LINGO2: variants seen among roughly 807,000 people sequenced by gnomAD.
The protein encoded by LINGO2 is leucine-rich repeat and immunoglobulin-like domain-containing nogo receptor-interacting protein 2.
In LINGO2, 14 loss-of-function variants were observed where a neutral mutation model predicts 30.6. That is an observed-to-expected ratio of 0.46 (90% CI 0.30 to 0.72). LINGO2 has a LOEUF of 0.72. LINGO2 is among the 30% of genes least tolerant of loss of function. The pLI is 0.07. For missense variants in LINGO2, 729 were observed against 751.7 expected, an observed-to-expected ratio of 0.97 and a Z score of 0.35; for synonymous variants, 317 against 288.5, an observed-to-expected ratio of 1.10 and a Z score of -1.00.
chr9:28,618,344 C>A (rs1431707852), intron 1 of LINGO2, among the ~76,000 whole-genome samples: 1 of 152,140 alleles, frequency 6.6e-6, no homozygotes, highest in African/African-American at 2.4e-5. Context: ...CAATCATTAG[C>A]ATCTCCGAGT....
chr9:27,989,849 A>T (rs1465679955), intron 5 of LINGO2, among the ~76,000 whole-genome samples: 1 of 151,966 alleles, frequency 6.6e-6, no homozygotes, highest in East Asian at 1.9e-4. Flanking sequence ...TGGGATTTAA[A>T]CTCAGGTTTT....
chr9:28,168,738 G>A (rs1828501129), intron 4 of LINGO2, among the ~76,000 whole-genome samples: 1 of 152,236 alleles, frequency 6.6e-6, no homozygotes, highest in South Asian at 2.1e-4. Context: ...CAGATTTGTG[G>A]AACCTAAATT....
intron 2 of LINGO2, among the ~76,000 whole-genome samples, chr9:28,442,659 A>C (rs987503110): frequency 1.3e-5 from 2 of 152,130 alleles, no homozygotes; most frequent in African/African-American, 4.8e-5. Flanking sequence ...ACTCTCTTTG[A>C]AACAGCAATC....
exon 6 of LINGO2, chr9:27,950,198 T>C (rs756859870): frequency 5.6e-6 from 9 of 1,613,924 alleles, no homozygotes; most frequent in Admixed American, 3.3e-5. Flanking sequence ...CCCCCACTTC[T>C]AGAGACTTCA....
At chr9:28,317,105 A>G (rs1402015591) in intron 3 of LINGO2, among the ~76,000 whole-genome samples, 6 of 152,184 alleles carry the variant, frequency 3.9e-5, no homozygotes, top group East Asian at 3.9e-4. Context: ...ATGTATTCCA[A>G]TTATGTTTCT....
chr9:28,145,258 A>G (rs1408439480), intron 4 of LINGO2, among the ~76,000 whole-genome samples: 1 of 152,210 alleles, frequency 6.6e-6, no homozygotes, highest in Non-Finnish European at 1.5e-5. Context: ...AGCGTTGCAC[A>G]TAGTGGGGGT....
chr9:28,015,931 AATAATCACACAAATATTTAATG>A (rs1227232223), intron 4 of LINGO2, among the ~76,000 whole-genome samples: 1 of 151,820 alleles, frequency 6.6e-6, no homozygotes, highest in African/African-American at 2.4e-5. Context: ...GAGGAGACCA[AATAATCACACAAATATTTAATG>A]AGAAACTGTG....
chr9:28,911,312 A>G, the LINGO2 span, among the ~76,000 whole-genome samples: 1 of 136,494 alleles, frequency 7.3e-6, no homozygotes, highest in Non-Finnish European at 1.6e-5. Flanking sequence ...AAATTTTTCT[A>G]TAAATAAAAC....
At chr9:29,040,148 A>G in the LINGO2 span, among the ~76,000 whole-genome samples, 13 of 152,060 alleles carry the variant, frequency 8.5e-5, no homozygotes, top group African/African-American at 2.9e-4. Flanking sequence ...TTTCCGTCCT[A>G]AGCTGTTTTA....
At chr9:28,770,736 G>A in the LINGO2 span, among the ~76,000 whole-genome samples, 1 of 152,022 alleles carries the variant, frequency 6.6e-6, no homozygotes, top group African/African-American at 2.4e-5. Context: ...GTTAATATAT[G>A]GTATAGCATA....
At chr9:28,005,694 G>A (rs1334808865) in intron 5 of LINGO2, among the ~76,000 whole-genome samples, 2 of 152,028 alleles carry the variant, frequency 1.3e-5, no homozygotes, top group Non-Finnish European at 2.9e-5. Context: ...CAGCCGATGA[G>A]GGAAGTAAAA....
the LINGO2 span, among the ~76,000 whole-genome samples, chr9:28,945,386 A>G: frequency 1.3e-5 from 2 of 152,324 alleles, no homozygotes; most frequent in African/African-American, 2.4e-5. Context: ...TTAACTTTTT[A>G]TAAGTACGTG....
At chr9:28,952,325 C>T in the LINGO2 span, among the ~76,000 whole-genome samples, 1 of 152,116 alleles carries the variant, frequency 6.6e-6, no homozygotes, top group Non-Finnish European at 1.5e-5. Context: ...AAATTTCGAC[C>T]TCACTACTTT....
chr9:28,572,738 C>T (rs1432242349), intron 1 of LINGO2, among the ~76,000 whole-genome samples: 1 of 152,096 alleles, frequency 6.6e-6, no homozygotes, highest in African/African-American at 2.4e-5. Context: ...CCAACAGCTT[C>T]CAGACAACTA....
At chr9:29,204,422 T>C in the LINGO2 span, among the ~76,000 whole-genome samples, 1 of 150,858 alleles carries the variant, frequency 6.6e-6, no homozygotes, top group African/African-American at 2.4e-5. Flanking sequence ...CCTGTAAGTC[T>C]CTCAAGGGCA....
chr9:28,092,406 T>A (rs1459595324), intron 4 of LINGO2, among the ~76,000 whole-genome samples: 2 of 151,936 alleles, frequency 1.3e-5, no homozygotes, highest in Non-Finnish European at 2.9e-5. Flanking sequence ...GGGACATGGA[T>A]GAAGCTGGAA....
upstream of LINGO2, among the ~76,000 whole-genome samples, chr9:28,674,635 CAT>C (rs1169205061): frequency 6.6e-6 from 1 of 152,122 alleles, no homozygotes; most frequent in African/African-American, 2.4e-5. Context: ...CCAGAGAAAA[CAT>C]ATACTATATG....
At position 28,563,739 on chromosome 9, in the gene LINGO2, G is replaced by C. The variant is rs1468667956; in HGVS notation, c.-364-87714C>G. Among the ~76,000 whole-genome samples, 8 of 152,222 alleles carry C rather than the reference G, an allele frequency of 5.3e-5. No individual in the cohort carries two copies. The South Asian group carries it at 1.2e-3, about 24-fold the overall frequency. The stretch of plus-strand genomic sequence containing the variant: ...GAAAAATCATCTAAATGATATCTTT[G>C]TGGAGACTATGATGCTCAATCAGAC... On this transcript the variant is annotated intron_variant, in intron 1 of 5. Transcript: ENST00000379992.
chr9:28,554,463 T>A (rs1318781388), intron 1 of LINGO2, among the ~76,000 whole-genome samples: 1 of 145,502 alleles, frequency 6.9e-6, no homozygotes, highest in Non-Finnish European at 1.5e-5. Flanking sequence ...CCTAAATATA[T>A]ATGCACCCAA....
Sources: allele counts gnomAD v4.1 joint callset (sites outside exome capture counted in the v4.1 genomes callset), GRCh38; gene constraint gnomAD v4.1.1; transcripts MANE v1.5; gene names NCBI Gene and HGNC (gene_info 2026-07-23, HGNC 2026-07-21).